CHRNA4: variants seen among roughly 807,000 people sequenced by gnomAD.
CHRNA4 encodes neuronal acetylcholine receptor subunit alpha-4.
Under a neutral mutation model 48.9 loss-of-function variants are expected in CHRNA4, and 28 were observed. The observed-to-expected ratio is 0.57, with a 90% confidence interval of 0.42 to 0.79. The LOEUF is 0.79. CHRNA4 is among the 30% of genes least tolerant of loss of function. CHRNA4 has a pLI of 0.00. For synonymous variants in CHRNA4, 425 were observed against 402.3 expected (o/e 1.06, Z -0.68); for missense variants, 859 against 898.4 (o/e 0.96, Z 0.56).
chr20:63,356,721 T>G, intron 2 of CHRNA4: 2 of 498,090 alleles, frequency 4.0e-6, no homozygotes, highest in Non-Finnish European at 3.7e-6. Flanking sequence ...AGCCTCCTTC[T>G]GCCCACCTGC....
chr20:63,345,250 C>T lies in CHRNA4; in HGVS notation c.*1488G>A, dbSNP rs1361001347. 1 of 450,652 alleles carries T rather than the reference C, an allele frequency of 2.2e-6. No individual in the cohort carries two copies. The highest frequency in any genetic ancestry group is 4.5e-6 in the Non-Finnish European group (1 of 224,310). 27.9% of individuals were successfully genotyped at this position (450,652 alleles called of 1,614,324 possible). A position where few individuals can be genotyped will look rare whatever the true frequency, so the allele number is the denominator to read the frequency against. On this transcript the variant is annotated 3_prime_UTR_variant, in exon 6 of 6. Coordinates refer to ENST00000370263, the MANE Select transcript of CHRNA4 (RefSeq NM_000744.7). The surrounding 1 kb of genome is among the most constrained non-coding windows in gnomAD (Gnocchi z 5.4). Reference sequence around the variant, plus strand: ...CTCAGTGGGACGCAGAGCCCAACCCCATCCCCACCCCTGGCTGGATGGGGT... The same window carrying T: ...CTCAGTGGGACGCAGAGCCCAACCCTATCCCCACCCCTGGCTGGATGGGGT...
In CHRNA4 at chr20:63,346,675, C is replaced by T. The variant is rs753289402; in HGVS notation, c.*63G>A. The T allele has an allele frequency of 2.6e-5, 40 of 1,555,488 alleles. No individual in the cohort carries two copies. In the African/African-American group the frequency reaches 3.9e-4, roughly 15 times the overall value. On this transcript the variant is annotated 3_prime_UTR_variant, in exon 6 of 6. Transcript: ENST00000370263. ...GGGAGAAGCCAGCCCGGCCCCAGGC[C>T]GGCCGCATGGATGCTGGCCCCGTGC...
chr20:63,359,882 TGTGC>T, intron 1 of CHRNA4, 183 bp from the exon 2 acceptor site: 1 of 446,662 alleles, frequency 2.2e-6, no homozygotes, highest in Non-Finnish European at 3.9e-6. Context: ...TGTGTGTGTG[TGTGC>T]CGGGCGTGTG....
chr20:63,350,202 C>A lies in CHRNA4; in HGVS notation c.1209G>T (p.Pro403=), dbSNP rs2229959. The change falls in exon 5 of 6, where the codon CCG becomes CCT. Residue 403 remains proline, a synonymous_variant. Transcript: ENST00000370263. ...GGGGGACACAGAAGGACGGTGAGGG[C>A]GGGTGCAGGCTCTGGGTGCCGCTCG... is the stretch of plus-strand genomic sequence containing the variant. ...PATSGTQSLH[P]PSPSFCVPLD... 0.86 allele frequency: 1,373,374 copies of A among 1,600,374 alleles called. 596,316 individuals are homozygous for A. Among genetic ancestry groups the A allele is most frequent in the Admixed American group, 0.89 (52,261 of 58,614 alleles).
Position 63,361,261 on chromosome 20 carries a change from GCGGGCCGCTTCGGCCGC to G in CHRNA4, c.-113_-97del. ...CCCAACTTCATGCCTCCCGCGCCTC[GCGGGCCGCTTCGGCCGC>G]CGGGCCCGGTTCGTCTTCTCCTGTG... On this transcript the variant is annotated 5_prime_UTR_variant, in exon 1 of 6. Transcript: ENST00000370263. 1.4e-6 allele frequency: 2 copies of G among 1,394,356 alleles called. No homozygotes were observed. Among genetic ancestry groups the G allele is most frequent in the Non-Finnish European group, 1.9e-6 (2 of 1,076,386 alleles). 86.4% of individuals were successfully genotyped at this position (1,394,356 alleles called of 1,614,324 possible).
chr20:63,344,688 A>G lies in CHRNA4; in HGVS notation c.*2050T>C. On this transcript the variant is annotated 3_prime_UTR_variant, in exon 6 of 6. Coordinates refer to ENST00000370263, the MANE Select transcript of CHRNA4 (RefSeq NM_000744.7). This position sits in a 1 kb window ranked among gnomAD's most constrained non-coding sequence, Gnocchi z 4.5. ...ATCTGGCAGCTGGGTCCACTTATGC[A>G]ATGTGGATCGGGCTTCTTACATCTG... 2.2e-6 allele frequency: 1 copy of G among 453,984 alleles called. No homozygotes were observed. The allele number at this position is 453,984 out of a possible 1,614,324, so 28.1% of individuals were successfully genotyped here.
intron 1 of CHRNA4, chr20:63,359,903 G>GTGTGTGTGTGCCAGGCGTGCGC: frequency 1.4e-5 from 6 of 444,366 alleles, no homozygotes; most frequent in South Asian, 1.2e-4. Context: ...TGTGCTGTGT[G>GTGTGTGTGTGCCAGGCGTGCGC]TGTGTGTGTG....
chr20:63,350,405 G>T lies in CHRNA4; in HGVS notation c.1006C>A (p.Arg336Ser), dbSNP rs56175056. 1.9e-6 allele frequency: 3 copies of T among 1,613,914 alleles called. No individual in the cohort carries two copies. Among genetic ancestry groups the T allele is most frequent in the Non-Finnish European group, 2.5e-6 (3 of 1,180,032 alleles). The change falls in exon 5 of 6, where the codon CGC (arginine) becomes AGC (serine). Residue 336 changes from arginine to serine, a missense_variant. By Grantham distance (110) the Arg-to-Ser change is moderately radical. This residue lies in a region of CHRNA4 where 478 missense variants were observed against 455.4 expected (regional missense o/e 1.05). Transcript: ENST00000370263. Reference protein sequence around the residue: ...FVLNVHHRSPRTHTMPTWVRR... With the variant: ...FVLNVHHRSPSTHTMPTWVRR... Reference sequence around the variant, plus strand: ...ACCCAGGTGGGCATGGTGTGCGTGCGTGGCGAGCGGTGGTGCACGTTGAGC... The same window carrying T: ...ACCCAGGTGGGCATGGTGTGCGTGCTTGGCGAGCGGTGGTGCACGTTGAGC...
Position 63,356,383 on chromosome 20 carries a change from T to C in CHRNA4, c.261A>G (p.Val87=). The C allele has an allele frequency of 1.3e-6, 2 of 1,599,062 alleles. No homozygotes were observed. The highest frequency in any genetic ancestry group is 1.7e-6 in the Non-Finnish European group (2 of 1,173,476). The change falls in exon 3 of 6, where the codon GTA becomes GTG. Residue 87 remains valine, a synonymous_variant. Transcript: ENST00000370263. ...DEKNQMMTTN[V]WVKQEWHDYK... ...CCCTCCCACTCACCTGCTTCACCCA[T>C]ACGTTCGTGGTCATCATCTGGTTCT...
Position 63,346,155 on chromosome 20 carries a change from C to A in CHRNA4, c.*583G>T. 1 of 454,172 alleles carries A rather than the reference C, an allele frequency of 2.2e-6. No individual in the cohort carries two copies. Among genetic ancestry groups the A allele is most frequent in the African/African-American group, 2.0e-5 (1 of 50,158 alleles). 28.1% of individuals were successfully genotyped at this position (454,172 alleles called of 1,614,324 possible). ...TCTCACTAACTTACCCAAAACACAA[C>A]CAAACACAATCCCTGCCTGGACCCT... On this transcript the variant is annotated 3_prime_UTR_variant, in exon 6 of 6. Coordinates refer to ENST00000370263, the MANE Select transcript of CHRNA4 (RefSeq NM_000744.7).
rs775143571 is a variant in CHRNA4 at position 63,359,600 on chromosome 20, G to A, written c.176C>T (p.Ser59Leu). 11 of 1,612,620 alleles carry A rather than the reference G, an allele frequency of 6.8e-6. No homozygotes were observed. Among genetic ancestry groups the A allele is most frequent in the South Asian group, 4.4e-5 (4 of 91,088 alleles). Reference protein sequence around the residue: ...NKWSRPVANISDVVLVRFGLS... With the variant: ...NKWSRPVANILDVVLVRFGLS... ...GCCGAAGCGGACGAGGACCACGTCC[G>A]AGATGTTGGCCACGGGTCGGGACCA... The change falls in exon 2 of 6, where the codon TCG becomes TTG. Residue 59 changes from serine to leucine, a missense_variant. By Grantham distance (145) the Ser-to-Leu change is moderately radical (BLOSUM62 -2). Around this residue, in one of 3 missense-constraint regions of CHRNA4, gnomAD observed 342 missense variants for 365.3 expected, o/e 0.94. Transcript: ENST00000370263.
intron 2 of CHRNA4, among the ~76,000 whole-genome samples, chr20:63,356,980 C>T (rs1316034010): frequency 6.8e-6 from 1 of 147,780 alleles, no homozygotes; most frequent in Non-Finnish European, 1.5e-5. Flanking sequence ...CCCCACAGGA[C>T]CACGTCCCCA....
chr20:63,346,254 G>GAAGT lies in CHRNA4; in HGVS notation c.*480_*483dup. The GAAGT allele has an allele frequency of 4.4e-6, 2 of 453,338 alleles. No individual in the cohort carries two copies. Among genetic ancestry groups the GAAGT allele is most frequent in the Non-Finnish European group, 8.8e-6 (2 of 226,448 alleles). 28.1% of individuals were successfully genotyped at this position (453,338 alleles called of 1,614,324 possible). A position where few individuals can be genotyped will look rare whatever the true frequency, so the allele number is the denominator to read the frequency against. On this transcript the variant is annotated 3_prime_UTR_variant, in exon 6 of 6. Transcript: ENST00000370263. ...CGAGAGGCTCAAGGACCCTGGGGGA[G>GAAGT]AAGTTGAAGCCCACACAGGCGCAGG... is the stretch of plus-strand genomic sequence containing the variant.
At position 63,343,666 on chromosome 20, in the gene CHRNA4, C is replaced by CAGAAGGG. The variant is rs1228900516; in HGVS notation, c.*3065_*3071dup. On this transcript the variant is annotated 3_prime_UTR_variant, in exon 6 of 6. Coordinates refer to ENST00000370263, the MANE Select transcript of CHRNA4 (RefSeq NM_000744.7). Reference sequence around the variant, plus strand: ...GGAAGCACCCAGGCCGGTCCGGAGGCAGAAGGGGCTGGGAAGCCCTGGCCA... The same window carrying CAGAAGGG: ...GGAAGCACCCAGGCCGGTCCGGAGGCAGAAGGGAGAAGGGGCTGGGAAGCCCTGGCCA... The CAGAAGGG allele has an allele frequency of 1.6e-5, 7 of 448,052 alleles. No individual in the cohort carries two copies. The highest frequency in any genetic ancestry group is 1.4e-4 in the Admixed American group (6 of 42,228). 27.8% of individuals were successfully genotyped at this position (448,052 alleles called of 1,614,324 possible).
chr20:63,351,000 G>T lies in CHRNA4; in HGVS notation c.411C>A (p.His137Gln), dbSNP rs201467277. 2.5e-6 allele frequency: 4 copies of T among 1,613,166 alleles called. No individual in the cohort carries two copies. Among genetic ancestry groups the T allele is most frequent in the East Asian group, 2.2e-5 (1 of 44,882 alleles). ...CATGGAACAGGTGGGCCTTGGTCAG[G>T]TGGGTGACCGCGAAGTCCCCGTCAG... is the stretch of plus-strand genomic sequence containing the variant. ...NNADGDFAVT[H>Q]LTKAHLFHDG... is the part of the protein sequence containing the mutation. Residue 137 changes from histidine (H) to glutamine (Q), a missense_variant, in exon 5 of 6, where the codon CAC becomes CAA. By Grantham distance (24) the His-to-Gln change is conservative (BLOSUM62 0). Coordinates refer to ENST00000370263, the MANE Select transcript of CHRNA4 (RefSeq NM_000744.7).
rs372194679 is a variant in CHRNA4, at chr20:63,348,716, G to A, written c.1758+937C>T. Among the ~76,000 whole-genome samples the A allele has an allele frequency of 3.1e-4, 47 of 152,334 alleles. No homozygotes were observed. The South Asian group carries it at 4.3e-3, about 14-fold the overall frequency. ...TGTGGACGTCATGGGCTGCACAGCC[G>A]AGGCCGAGACCCCCGGCCACCTGTG... On this transcript the variant is annotated intron_variant, in intron 5 of 5. Coordinates refer to ENST00000370263, the MANE Select transcript of CHRNA4 (RefSeq NM_000744.7).
chr20:63,352,500 G>C (rs2068630676), intron 4 of CHRNA4, among the ~76,000 whole-genome samples: 1 of 152,174 alleles, frequency 6.6e-6, no homozygotes, highest in Non-Finnish European at 1.5e-5. Flanking sequence ...TCTCAATGCG[G>C]CTCCGGCCCA....
chr20:63,349,558 T>C, intron 5 of CHRNA4, 95 bp downstream of exon 5: 2 of 1,519,308 alleles, frequency 1.3e-6, no homozygotes, highest in African/African-American at 1.4e-5. Context: ...GCCTGAGGCC[T>C]GGGCCCGGCT....
At chr20:63,359,928 T>TGTGTGTGTGTGC (rs1359347548) in intron 1 of CHRNA4, 3 of 428,170 alleles carry the variant, frequency 7.0e-6, no homozygotes, top group Non-Finnish European at 1.3e-5. Context: ...TGTGTGTGTG[T>TGTGTGTGTGTGC]GCCGGGCGTG....
Sources: allele counts gnomAD v4.1 joint callset (sites outside exome capture counted in the v4.1 genomes callset), GRCh38; gene constraint gnomAD v4.1.1; regional missense constraint gnomAD v4.1.1; non-coding constraint Gnocchi (gnomAD v3.1); transcripts MANE v1.5; gene names NCBI Gene and HGNC (gene_info 2026-07-23, HGNC 2026-07-21).